Variants in JAKMIP2 observed in about 807,000 individuals in gnomAD.
JAKMIP2 encodes the protein janus kinase and microtubule-interacting protein 2.
JAKMIP2 carries 25 observed loss-of-function variants against 115.0 expected under a neutral mutation model. The ratio of observed to expected loss-of-function variants is 0.22; its 90% CI spans 0.16 to 0.30. JAKMIP2 has a LOEUF of 0.30. Among genes scored for constraint, JAKMIP2 ranks in the 10% least tolerant of loss-of-function variants. The pLI is 1.00. For synonymous variants in JAKMIP2, 334 were observed against 343.6 expected (o/e 0.97, Z 0.31); for missense variants, 642 against 957.6 (o/e 0.67, Z 4.35).
chr5:147,765,718 C>T (rs1395931859), intron 1 of JAKMIP2, among the ~76,000 whole-genome samples: 1 of 151,912 alleles, frequency 6.6e-6, no homozygotes. Context: ...TTGGGAAATG[C>T]AAGTCAACAA....
chr5:147,691,791 A>G (rs1751872015), intron 1 of JAKMIP2, among the ~76,000 whole-genome samples: 1 of 151,986 alleles, frequency 6.6e-6, no homozygotes, highest in Non-Finnish European at 1.5e-5. Context: ...TCCACGCCTC[A>G]TGGGAGGGGA....
At chr5:147,764,965 AGGGGGAGAGAGAGAGAGAGAGAGAGG>A (rs1561582705) in intron 1 of JAKMIP2, among the ~76,000 whole-genome samples, 4 of 44,526 alleles carry the variant, frequency 9.0e-5, no homozygotes, top group African/African-American at 5.1e-4. Context: ...AGAGAGAGAG[AGGGGGAGAGAGAGAGAGAGAGAGAGG>A]GAGAGAGAGA....
intron 3 of JAKMIP2, among the ~76,000 whole-genome samples, chr5:147,651,977 A>G (rs1367273962): frequency 6.6e-6 from 1 of 152,186 alleles, no homozygotes; most frequent in East Asian, 1.9e-4. Flanking sequence ...ATGAGTTGAC[A>G]TAGCTCTAGT....
intron 4 of JAKMIP2, among the ~76,000 whole-genome samples, chr5:147,649,022 G>A (rs1288318938): frequency 6.6e-6 from 1 of 152,108 alleles, no homozygotes; most frequent in East Asian, 1.9e-4. Flanking sequence ...TATAGGATAG[G>A]CCTGACTAGT....
At chr5:147,669,848 G>A (rs1759491470) in intron 2 of JAKMIP2, among the ~76,000 whole-genome samples, 1 of 152,134 alleles carries the variant, frequency 6.6e-6, no homozygotes, top group Admixed American at 6.5e-5. Flanking sequence ...ACAAGTCCTG[G>A]TTCTCACCTC....
intron 1 of JAKMIP2, among the ~76,000 whole-genome samples, chr5:147,779,070 C>T (rs777797091): frequency 1.3e-5 from 2 of 152,040 alleles, no homozygotes; most frequent in Non-Finnish European, 2.9e-5. Flanking sequence ...TAAGCTCCAA[C>T]CATGAGAAAC....
intron 20 of JAKMIP2, among the ~76,000 whole-genome samples, chr5:147,607,524 C>T (rs1438842357): frequency 6.6e-6 from 1 of 152,046 alleles, no homozygotes; most frequent in East Asian, 1.9e-4. Context: ...GGGATGAAGC[C>T]AATGCGATCG....
chr5:147,657,451 G>C (rs1024983654), intron 3 of JAKMIP2, among the ~76,000 whole-genome samples: 1 of 151,944 alleles, frequency 6.6e-6, no homozygotes, highest in Non-Finnish European at 1.5e-5. Flanking sequence ...CTTTCATTTT[G>C]ACCTTGGAAA....
chr5:147,629,139 A>G (rs1384023368), intron 15 of JAKMIP2, among the ~76,000 whole-genome samples: 28 of 152,134 alleles, frequency 1.8e-4, no homozygotes, highest in Admixed American at 1.8e-3. Context: ...TTTTGATGTA[A>G]TTTTACTAAT....
At chr5:147,710,752 C>G (rs1439039108) in intron 1 of JAKMIP2, among the ~76,000 whole-genome samples, 1 of 152,008 alleles carries the variant, frequency 6.6e-6, no homozygotes, top group Non-Finnish European at 1.5e-5. Flanking sequence ...CAAAATTCAC[C>G]AAGGCTCTGC....
chr5:147,731,788 T>G (rs1191271000), intron 1 of JAKMIP2, among the ~76,000 whole-genome samples: 7 of 152,238 alleles, frequency 4.6e-5, no homozygotes, highest in African/African-American at 1.4e-4. Flanking sequence ...CACCTAGATT[T>G]CAAAACTATT....
chr5:147,694,567 T>C (rs1195581043), intron 1 of JAKMIP2, among the ~76,000 whole-genome samples: 1 of 152,232 alleles, frequency 6.6e-6, no homozygotes, highest in Non-Finnish European at 1.5e-5. Context: ...TCTCCCTTCC[T>C]GTCTCTCCCT....
rs762591895 is a variant in JAKMIP2, at chr5:147,644,141, C to A, written c.1141G>T (p.Asp381Tyr). ...GTTTCTTGTTCTTCATTAGCTTGGTCGAGGTCATTCAGAGATTTTAATTTC... is the reference window on the plus strand; with the variant it reads ...GTTTCTTGTTCTTCATTAGCTTGGTAGAGGTCATTCAGAGATTTTAATTTC... ...LKKLKSLNDL[D>Y]QANEEQETEF... Residue 381 changes from aspartate (D) to tyrosine (Y), a missense_variant, in exon 7 of 22, where the codon GAC becomes TAC. Physicochemically the swap from Asp to Tyr is radical, Grantham distance 160. Around this residue, in one of 6 missense-constraint regions of JAKMIP2, gnomAD observed 439 missense variants for 570.9 expected, o/e 0.77. Coordinates refer to ENST00000616793, the MANE Select transcript of JAKMIP2 (RefSeq NM_001270941.2). 1.2e-6 allele frequency: 2 copies of A among 1,607,110 alleles called. No homozygotes were observed. The highest frequency in any genetic ancestry group is 1.7e-4 in the Middle Eastern group (1 of 6,024).
At chr5:147,694,362 T>C (rs929156578) in intron 1 of JAKMIP2, among the ~76,000 whole-genome samples, 1 of 152,188 alleles carries the variant, frequency 6.6e-6, no homozygotes, top group African/African-American at 2.4e-5. Flanking sequence ...CACAGTCATA[T>C]CATGGGCAGC....
At chr5:147,660,868 A>G (rs1421652998) in intron 3 of JAKMIP2, 80 bp downstream of exon 3, 1 of 1,497,740 alleles carries the variant, frequency 6.7e-7, no homozygotes, top group African/African-American at 1.4e-5. Flanking sequence ...AAGAAAACAC[A>G]TGAAGAAGCA....
chr5:147,632,820 G>A, intron 12 of JAKMIP2, 42 bp from the exon 13 acceptor site: 2 of 1,291,712 alleles, frequency 1.5e-6, no homozygotes, highest in South Asian at 2.4e-5. Flanking sequence ...ATTGAGAAAA[G>A]CACCTACAAC....
At chr5:147,655,812 C>A (rs1344294944) in intron 3 of JAKMIP2, among the ~76,000 whole-genome samples, 2 of 152,106 alleles carry the variant, frequency 1.3e-5, no homozygotes, top group African/African-American at 4.8e-5. Flanking sequence ...ATTTTTCCAT[C>A]TTTCTGATGT....
chr5:147,593,082 C>G (rs577548467), intron 21 of JAKMIP2, among the ~76,000 whole-genome samples: 2 of 152,350 alleles, frequency 1.3e-5, no homozygotes, highest in East Asian at 3.9e-4. Flanking sequence ...CAGACATAGA[C>G]TTTCTCATCT....
intron 1 of JAKMIP2, among the ~76,000 whole-genome samples, chr5:147,675,331 G>A (rs939267115): frequency 1.3e-5 from 2 of 152,094 alleles, no homozygotes; most frequent in African/African-American, 2.4e-5. Context: ...GCCTTAAGGT[G>A]AGCAACTTCA....
Sources: gnomAD v4.1 joint callset for allele counts (sites outside exome capture counted in the v4.1 genomes callset) on GRCh38, gnomAD v4.1.1 for gene constraint, gnomAD v4.1.1 regional missense constraint, MANE v1.5 for transcripts, NCBI Gene and HGNC (gene_info 2026-07-23, HGNC 2026-07-21) for gene names.